The following SLCO3A1 variants were observed in gnomAD, a reference collection of about 807,000 sequenced individuals.
SLCO3A1 encodes solute carrier organic anion transporter family member 3A1.
In SLCO3A1, 27 loss-of-function variants were observed where a neutral mutation model predicts 63.1. The observed-to-expected ratio is 0.43, with a 90% CI of 0.32 to 0.59. The LOEUF (loss-of-function observed/expected upper bound fraction) is 0.59. Ranked by LOEUF, SLCO3A1 falls within the 20% of genes least tolerant of loss-of-function variation. The probability of loss-of-function intolerance (pLI) is 0.09; values close to 1 mark genes in which losing one functional copy is unlikely to be tolerated. For synonymous variants in SLCO3A1, 473 were observed against 409.9 expected (o/e 1.15, Z -1.86); for missense variants, 773 against 945.8 (o/e 0.82, Z 2.40).
Position 92,165,653 on chromosome 15 carries a change from T to C in SLCO3A1, c.*2518T>C, listed in dbSNP as rs996415041. The C allele has an allele frequency of 2.0e-6, 2 of 985,450 alleles. No homozygotes were observed. Among genetic ancestry groups the C allele is most frequent in the Non-Finnish European group, 1.2e-6 (1 of 829,916 alleles). The allele number at this position is 985,450 out of a possible 1,614,324, so 61.0% of individuals were successfully genotyped here. A position where few individuals can be genotyped will look rare whatever the true frequency, so the allele number is the denominator to read the frequency against. On this transcript the variant is annotated 3_prime_UTR_variant, in exon 10 of 10. Transcript: ENST00000318445. ...AATTGGGTATAAATTTAAAGACCGCTGTTGCAGGATGGCTCTGAATTCTGT... is the reference window on the plus strand; with the variant it reads ...AATTGGGTATAAATTTAAAGACCGCCGTTGCAGGATGGCTCTGAATTCTGT...
At chr15:92,148,992 T>C (rs1396619150) in intron 8 of SLCO3A1, 2 of 152,340 alleles carry the variant, frequency 1.3e-5, no homozygotes, top group East Asian at 3.9e-4. Context: ...TTATGAGTAG[T>C]TTATTTTTCA....
At chr15:92,017,506 A>C (rs2046452643) in intron 2 of SLCO3A1, among the ~76,000 whole-genome samples, 1 of 152,138 alleles carries the variant, frequency 6.6e-6, no homozygotes, top group Admixed American at 6.6e-5. Flanking sequence ...TCCCCTTCTC[A>C]AATCCAGGGG....
rs1273765300 is a variant in SLCO3A1 at position 91,897,479 on chromosome 15, A to G, written c.181-18514A>G. On this transcript the variant is annotated intron_variant, in intron 1 of 9. Transcript: ENST00000318445. The surrounding 1 kb of genome is among the most constrained non-coding windows in gnomAD (Gnocchi z 4.7). ...ACAAACAAACAAACAAACCCCCAAA[A>G]CTTATAAAGCTGGATGTTCCAACTA... is the stretch of plus-strand genomic sequence containing the variant. Among the ~76,000 whole-genome samples the G allele has an allele frequency of 6.6e-6, 1 of 151,840 alleles. No individual in the cohort carries two copies. Among genetic ancestry groups the G allele is most frequent in the East Asian group, 1.9e-4 (1 of 5,180 alleles).
intron 2 of SLCO3A1, among the ~76,000 whole-genome samples, chr15:92,042,501 A>C (rs979344057): frequency 2.0e-5 from 3 of 152,160 alleles, no homozygotes; most frequent in Non-Finnish European, 4.4e-5. Context: ...ACTTAAGAGC[A>C]TTGTGACAGG....
rs1434020253 is a variant in SLCO3A1 at position 92,165,221 on chromosome 15, G to T, written c.*2086G>T. 1.0e-6 allele frequency: 1 copy of T among 985,248 alleles called. No individual in the cohort carries two copies. Among genetic ancestry groups the T allele is most frequent in the African/African-American group, 1.7e-5 (1 of 57,182 alleles). 61.0% of individuals were successfully genotyped at this position (985,248 alleles called of 1,614,324 possible). On this transcript the variant is annotated 3_prime_UTR_variant, in exon 10 of 10. Coordinates refer to ENST00000318445, the MANE Select transcript of SLCO3A1 (RefSeq NM_013272.4). ...CCTGGGGCAGGATGCTTCTGAGACA[G>T]GCCTTTCAACTGCTTAGTGTTAGTA...
At chr15:92,034,708 C>T (rs1189784185) in intron 2 of SLCO3A1, among the ~76,000 whole-genome samples, 4 of 151,794 alleles carry the variant, frequency 2.6e-5, no homozygotes, top group South Asian at 2.1e-4. Flanking sequence ...CAGGTGACAG[C>T]GACCATTGGA....
intron 5 of SLCO3A1, among the ~76,000 whole-genome samples, chr15:92,123,277 T>C (rs1280497807): frequency 2.0e-5 from 3 of 151,894 alleles, no homozygotes; most frequent in African/African-American, 4.8e-5. Context: ...ATACAAAAAT[T>C]AGGCGTGTCA....
chr15:92,128,326 C>G (rs1272613285), intron 6 of SLCO3A1, 25 bp from the exon 7 acceptor site: 8 of 1,613,436 alleles, frequency 5.0e-6, no homozygotes, highest in Non-Finnish European at 6.8e-6. Flanking sequence ...TTTCTAATGG[C>G]TTCCGTGTTT....
In SLCO3A1 at chr15:91,860,817, T is replaced by A. The variant is rs1385270465; in HGVS notation, c.180+6729T>A. Reference sequence around the variant, plus strand: ...TTCACCTCGTGTTCTCTTGCAGTATTAAGTGGACTCTGGCAAGCAGGTCTG... The same window carrying A: ...TTCACCTCGTGTTCTCTTGCAGTATAAAGTGGACTCTGGCAAGCAGGTCTG... On this transcript the variant is annotated intron_variant, in intron 1 of 9. Coordinates refer to ENST00000318445, the MANE Select transcript of SLCO3A1 (RefSeq NM_013272.4). This position sits in a 1 kb window ranked among gnomAD's most constrained non-coding sequence, Gnocchi z 5.5. Among the ~76,000 whole-genome samples the A allele has an allele frequency of 6.6e-6, 1 of 152,210 alleles. No homozygotes were observed. The highest frequency in any genetic ancestry group is 2.4e-5 in the African/African-American group (1 of 41,454).
At chr15:92,108,991 C>G (rs1211991310) in intron 4 of SLCO3A1, among the ~76,000 whole-genome samples, 1 of 152,136 alleles carries the variant, frequency 6.6e-6, no homozygotes, top group East Asian at 1.9e-4. Context: ...AGGGATGAAG[C>G]TGCAGTTCAT....
At position 92,094,888 on chromosome 15, in the gene SLCO3A1, G is replaced by A. The variant is rs147925181; in HGVS notation, c.654G>A (p.Leu218=). The A allele has an allele frequency of 4.5e-4, 728 of 1,611,930 alleles. 4 individuals carry two copies. In the African/African-American group the frequency reaches 8.1e-3, roughly 18 times the overall value. ...TTCTTCATCTTCCTTCAGGAATCCT[G>A]TTCACGATGCTGGTATTTGGACCAG... is the stretch of plus-strand genomic sequence containing the variant. The part of the protein sequence containing the change: ...RKDSSLYIGI[L]FTMLVFGPAC... The change falls in exon 3 of 10, where the codon CTG becomes CTA. Residue 218 remains leucine (L), a synonymous_variant. Transcript: ENST00000318445.
In SLCO3A1 at chr15:91,916,489, G is replaced by A. The variant is rs1898665929; in HGVS notation, c.646+31G>A. ...AGCTGCCCCAGCCGTATTAGCAAGA[G>A]ACCAGGGTGTGTTGACCATGGATAA... On this transcript the variant is annotated intron_variant, in intron 2 of 9. Coordinates refer to ENST00000318445, the MANE Select transcript of SLCO3A1 (RefSeq NM_013272.4). This position sits in a 1 kb window ranked among gnomAD's most constrained non-coding sequence, Gnocchi z 6.2. 6.7e-7 allele frequency: 1 copy of A among 1,502,622 alleles called. No individual in the cohort carries two copies. The highest frequency in any genetic ancestry group is 9.0e-7 in the Non-Finnish European group (1 of 1,106,836). 93.1% of individuals were successfully genotyped at this position (1,502,622 alleles called of 1,614,324 possible). A position where few individuals can be genotyped will look rare whatever the true frequency, so the allele number is the denominator to read the frequency against.
At chr15:92,148,711 T>TA (rs1049061307) in intron 8 of SLCO3A1, 2 of 152,192 alleles carry the variant, frequency 1.3e-5, no homozygotes, top group South Asian at 2.1e-4. Flanking sequence ...CCATTTATCT[T>TA]AAAAAAGTAC....
At chr15:91,981,415 A>G (rs913811935) in intron 2 of SLCO3A1, among the ~76,000 whole-genome samples, 6 of 152,024 alleles carry the variant, frequency 3.9e-5, no homozygotes, top group African/African-American at 9.7e-5. Context: ...ACTCCGCTTC[A>G]TGCCCTTTAT....
At chr15:92,014,710 G>C (rs1478800099) in intron 2 of SLCO3A1, among the ~76,000 whole-genome samples, 2 of 152,084 alleles carry the variant, frequency 1.3e-5, no homozygotes, top group African/African-American at 4.8e-5. Flanking sequence ...AGTCTGCCAG[G>C]CTATATGGTG....
At chr15:92,080,555 T>C (rs1158859195) in intron 2 of SLCO3A1, among the ~76,000 whole-genome samples, 1 of 152,158 alleles carries the variant, frequency 6.6e-6, no homozygotes, top group Non-Finnish European at 1.5e-5. Context: ...GATCAGTTTT[T>C]GATGCACCGC....
In SLCO3A1 at chr15:91,999,549, C is replaced by A. The variant is rs141648093; in HGVS notation, c.646+83091C>A. Among the ~76,000 whole-genome samples the A allele has an allele frequency of 7.3e-4, 111 of 152,322 alleles. 2 individuals carry two copies. In the East Asian group the frequency reaches 0.015, roughly 20 times the overall value. On this transcript the variant is annotated intron_variant, in intron 2 of 9. Coordinates refer to ENST00000318445, the MANE Select transcript of SLCO3A1 (RefSeq NM_013272.4). ...GCAATTAAAACAATACAAAGAGATACTGTCCTACACCTTTCAGATTGGGAA... is the reference window on the plus strand; with the variant it reads ...GCAATTAAAACAATACAAAGAGATAATGTCCTACACCTTTCAGATTGGGAA...
intron 2 of SLCO3A1, among the ~76,000 whole-genome samples, chr15:92,053,692 G>GT (rs1491517930): frequency 0.12 from 3,378 of 28,354 alleles, 157 homozygotes; most frequent in African/African-American, 0.23. Context: ...TTGTTTGTTT[G>GT]TTTGTTTTTT....
intron 5 of SLCO3A1, among the ~76,000 whole-genome samples, chr15:92,124,575 A>G (rs2047899685): frequency 6.6e-6 from 1 of 152,210 alleles, no homozygotes; most frequent in Admixed American, 6.5e-5. Context: ...CATGCTAGAC[A>G]CAGAGAATCT....
Sources: gnomAD v4.1 joint callset for allele counts (sites outside exome capture counted in the v4.1 genomes callset) on GRCh38, gnomAD v4.1.1 for gene constraint, Gnocchi (gnomAD v3.1) non-coding constraint, MANE v1.5 for transcripts, NCBI Gene and HGNC (gene_info 2026-07-23, HGNC 2026-07-21) for gene names.